The following PSMD11 variants were observed in gnomAD, a reference collection of about 807,000 sequenced individuals.
The protein encoded by PSMD11 is proteasome 26S subunit, non-ATPase 11.
In PSMD11, 5 loss-of-function variants were observed where a neutral mutation model predicts 62.3. That is an observed-to-expected ratio of 0.08 (90% CI 0.04 to 0.17). PSMD11 has a LOEUF of 0.17. PSMD11 is among the 10% of genes least tolerant of loss of function. The pLI is 1.00. For missense variants in PSMD11, 310 were observed against 512.9 expected, an observed-to-expected ratio of 0.60 and a Z score of 3.82; for synonymous variants, 191 against 191.8, an observed-to-expected ratio of 1.00 and a Z score of 0.03.
Position 32,444,522 on chromosome 17 carries a change from A to C in PSMD11, c.-2A>C, listed in dbSNP as rs752692063. ...GGCCGGGGACGGTGTGAGAGCGGTAAGATGGCGGCGGCGGCGGTGGTGGAG... is the reference window on the plus strand; with the variant it reads ...GGCCGGGGACGGTGTGAGAGCGGTACGATGGCGGCGGCGGCGGTGGTGGAG... On this transcript the variant is annotated 5_prime_UTR_variant, in exon 1 of 14. Transcript: ENST00000261712. The C allele has an allele frequency of 2.5e-6, 4 of 1,594,604 alleles. No homozygotes were observed. Among genetic ancestry groups the C allele is most frequent in the Non-Finnish European group, 3.4e-6 (4 of 1,171,196 alleles).
At chr17:32,475,647 T>G (rs1173618242) in intron 8 of PSMD11, among the ~76,000 whole-genome samples, 2 of 151,240 alleles carry the variant, frequency 1.3e-5, no homozygotes, top group African/African-American at 4.9e-5. Flanking sequence ...TCATTCAGGC[T>G]GGAGTGCAGT....
intron 5 of PSMD11, among the ~76,000 whole-genome samples, chr17:32,465,244 C>T (rs1237476979): frequency 6.6e-6 from 1 of 152,118 alleles, no homozygotes; most frequent in Non-Finnish European, 1.5e-5. Flanking sequence ...CTTTAGCCTC[C>T]TGAGTAGCTG....
intron 5 of PSMD11, among the ~76,000 whole-genome samples, chr17:32,466,034 C>T (rs1055176061): frequency 1.3e-5 from 2 of 151,882 alleles, no homozygotes; most frequent in Non-Finnish European, 2.9e-5. Context: ...CTCACTCTGT[C>T]GTCCAGGCTG....
Position 32,469,190 on chromosome 17 carries a change from T to G in PSMD11, c.640T>G (p.Ser214Ala). Residue 214 changes from serine to alanine, a missense_variant, in exon 6 of 14, where the codon TCG becomes GCG. Physicochemically the swap from Ser to Ala is moderately conservative, Grantham distance 99. Transcript: ENST00000261712. ...ATTGCAGGCCACCTTGGACATGCAG[T>G]CGGGTAACAGACGTAGCTATTCCTG... ...PKLQATLDMQ[S>A]GIIHAAEEKD... 1 of 1,613,084 alleles carries G rather than the reference T, an allele frequency of 6.2e-7. No individual in the cohort carries two copies. Among genetic ancestry groups the G allele is most frequent in the Non-Finnish European group, 8.5e-7 (1 of 1,179,440 alleles).
intron 3 of PSMD11, among the ~76,000 whole-genome samples, chr17:32,457,251 G>A (rs372265419): frequency 4.6e-5 from 7 of 151,826 alleles, no homozygotes; most frequent in African/African-American, 1.2e-4. Flanking sequence ...TTTTGTTTTC[G>A]TTTTTTGAGA....
At chr17:32,446,809 T>G (rs1907344944) in intron 1 of PSMD11, 136 bp from the exon 2 acceptor site, 11 of 478,636 alleles carry the variant, frequency 2.3e-5, no homozygotes, top group South Asian at 2.1e-4. Context: ...TTAGAGTTTT[T>G]TTTTTTTTTT....
intron 5 of PSMD11, among the ~76,000 whole-genome samples, chr17:32,466,920 G>A (rs933189804): frequency 3.3e-5 from 5 of 151,920 alleles, no homozygotes; most frequent in African/African-American, 9.7e-5. Context: ...TTGCTCCTTC[G>A]TATGTCTTGT....
chr17:32,445,181 A>G (rs1907296412), intron 1 of PSMD11: 1 of 157,074 alleles, frequency 6.4e-6, no homozygotes, highest in South Asian at 1.8e-4. Flanking sequence ...GGTCTCTTTC[A>G]GAATGTGGGA....
intron 3 of PSMD11, among the ~76,000 whole-genome samples, chr17:32,462,016 G>T (rs1567854622): frequency 6.6e-6 from 1 of 152,256 alleles, no homozygotes; most frequent in East Asian, 1.9e-4. Flanking sequence ...TTAGTGTCTG[G>T]ACTATCAGGG....
At chr17:32,466,901 A>G (rs1908007217) in intron 5 of PSMD11, among the ~76,000 whole-genome samples, 1 of 151,886 alleles carries the variant, frequency 6.6e-6, no homozygotes, top group South Asian at 2.1e-4. Flanking sequence ...GCATATTTTC[A>G]TGTGCTTTTT....
chr17:32,480,339 T>C (rs1159108059), intron 12 of PSMD11, 142 bp downstream of exon 12: 8 of 1,440,976 alleles, frequency 5.6e-6, no homozygotes, highest in Non-Finnish European at 7.8e-6. Context: ...GATGAGAATG[T>C]GTAATAAGCA....
intron 2 of PSMD11, among the ~76,000 whole-genome samples, chr17:32,451,732 C>CTGTTT (rs964376912): frequency 2.0e-5 from 3 of 151,720 alleles, no homozygotes; most frequent in African/African-American, 7.3e-5. Flanking sequence ...TTAGTTCTCT[C>CTGTTT]TGTTTTGTTT....
intron 5 of PSMD11, among the ~76,000 whole-genome samples, chr17:32,465,728 C>T (rs925392570): frequency 6.6e-6 from 1 of 151,990 alleles, no homozygotes; most frequent in African/African-American, 2.4e-5. Flanking sequence ...AATCCCAGCA[C>T]TTTGGAAGGC....
chr17:32,457,943 G>A (rs1907698692), intron 3 of PSMD11, among the ~76,000 whole-genome samples: 1 of 152,068 alleles, frequency 6.6e-6, no homozygotes, highest in African/African-American at 2.4e-5. Context: ...TGGGATTACA[G>A]GTGCCCGCCA....
At chr17:32,465,346 C>T (rs1907963823) in intron 5 of PSMD11, among the ~76,000 whole-genome samples, 1 of 152,090 alleles carries the variant, frequency 6.6e-6, no homozygotes, top group South Asian at 2.1e-4. Flanking sequence ...CTACTGACCT[C>T]AAGTGATCTG....
intron 2 of PSMD11, among the ~76,000 whole-genome samples, chr17:32,453,728 A>AT (rs987865507): frequency 1.3e-5 from 2 of 152,120 alleles, no homozygotes; most frequent in African/African-American, 4.8e-5. Context: ...CCATTCTCTA[A>AT]TTTTTACTAT....
At chr17:32,455,348 A>G (rs1443194776) in intron 3 of PSMD11, among the ~76,000 whole-genome samples, 1 of 152,214 alleles carries the variant, frequency 6.6e-6, no homozygotes, top group Admixed American at 6.5e-5. Flanking sequence ...CGTGTTAGGC[A>G]CTGTTTTAGG....
chr17:32,464,541 C>T lies in PSMD11; in HGVS notation c.411C>T (p.Tyr137=), dbSNP rs2150834710. The T allele has an allele frequency of 6.2e-7, 1 of 1,608,754 alleles. No individual in the cohort carries two copies. Among genetic ancestry groups the T allele is most frequent in the African/African-American group, 1.3e-5 (1 of 74,896 alleles). Residue 137 remains tyrosine (Y), a synonymous_variant, in exon 5 of 14, where the codon TAC becomes TAT. Coordinates refer to ENST00000261712, the MANE Select transcript of PSMD11 (RefSeq NM_002815.4). ...QALEARLVSL[Y]FDTKRYQEAL... ...CCTAGGCAAGACTGGTGTCTTTGTA[C>T]TTTGATACCAAGAGGTACCAGGAAG... is the stretch of plus-strand genomic sequence containing the variant.
At chr17:32,459,113 T>A (rs201668711) in intron 3 of PSMD11, among the ~76,000 whole-genome samples, 9 of 63,472 alleles carry the variant, frequency 1.4e-4, no homozygotes, top group South Asian at 1.4e-3. Flanking sequence ...AAAAAAAAAA[T>A]ACATATATAT....
Sources: gnomAD v4.1 joint callset for allele counts (sites outside exome capture counted in the v4.1 genomes callset) on GRCh38, gnomAD v4.1.1 for gene constraint, MANE v1.5 for transcripts, NCBI Gene and HGNC (gene_info 2026-07-23, HGNC 2026-07-21) for gene names.